Variants in ZNF577 observed in about 807,000 individuals in gnomAD.
ZNF577 encodes the protein zinc finger protein 577.
ZNF577 carries 14 observed loss-of-function variants against 13.9 expected under a neutral mutation model. The ratio of observed to expected loss-of-function variants is 1.00; its 90% CI spans 0.66 to 1.57. The LOEUF is 1.57. ZNF577 is among the 40% of genes most tolerant of loss of function. The pLI, the probability that ZNF577 is intolerant of heterozygous loss-of-function variation, is 0.00. For synonymous variants in ZNF577, 203 were observed against 202.9 expected (o/e 1.00, Z 0.00); for missense variants, 555 against 579.2 (o/e 0.96, Z 0.43).
At chr19:51,829,865 C>A (rs1014560779) in intron 9 of ZNF577, among the ~76,000 whole-genome samples, 2 of 152,106 alleles carry the variant, frequency 1.3e-5, no homozygotes, top group Non-Finnish European at 2.9e-5. Flanking sequence ...ACTCCTTGTC[C>A]CCACTAGCCA....
chr19:51,877,229 A>G (rs1384625680), intron 5 of ZNF577, 53 bp downstream of exon 5: 3 of 1,501,232 alleles, frequency 2.0e-6, no homozygotes, highest in Non-Finnish European at 2.8e-6. Flanking sequence ...TTCTCCGACC[A>G]GCTGGGATTT....
intron 9 of ZNF577, among the ~76,000 whole-genome samples, chr19:51,818,429 C>T (rs2084160613): frequency 6.6e-6 from 1 of 152,142 alleles, no homozygotes; most frequent in Non-Finnish European, 1.5e-5. Flanking sequence ...ATGCTAGAGA[C>T]ACAGCACTGA....
At chr19:51,866,190 CTT>C (rs1276786554), downstream of ZNF577, among the ~76,000 whole-genome samples, 2 of 151,334 alleles carry the variant, frequency 1.3e-5, no homozygotes, top group Non-Finnish European at 2.9e-5. Context: ...GACTTGAACA[CTT>C]ATAATTGGGC....
rs920979860 is a variant in ZNF577, at chr19:51,877,568, G to C, written c.188-191C>G. The C allele has an allele frequency of 1.5e-4, 64 of 436,762 alleles. No individual in the cohort carries two copies. The Middle Eastern group carries it at 1.8e-3, about 12-fold the overall frequency. The allele number at this position is 436,762 out of a possible 1,614,324, so 27.1% of individuals were successfully genotyped here. On this transcript the variant is annotated intron_variant, in intron 4 of 5. Transcript: ENST00000638348. Reference sequence around the variant, plus strand: ...CTGCGTGACACACCCATACCCATTAGGATGGCTACTATCAAAAAAACAAAC... The same window carrying C: ...CTGCGTGACACACCCATACCCATTACGATGGCTACTATCAAAAAAACAAAC...
At chr19:51,835,463 A>T (rs1019376347) in intron 9 of ZNF577, among the ~76,000 whole-genome samples, 2 of 151,886 alleles carry the variant, frequency 1.3e-5, no homozygotes, top group East Asian at 3.8e-4. Context: ...AATTCTACTG[A>T]ATATTTAAGA....
At chr19:51,855,214 G>A (rs145049328) in intron 5 of ZNF577, among the ~76,000 whole-genome samples, 1 of 152,190 alleles carries the variant, frequency 6.6e-6, no homozygotes, top group South Asian at 2.1e-4. Context: ...TTATTGTTGC[G>A]ATTGTTGTTG....
intron 5 of ZNF577, among the ~76,000 whole-genome samples, chr19:51,859,814 T>C (rs563927091): frequency 6.6e-6 from 1 of 152,174 alleles, no homozygotes; most frequent in African/African-American, 2.4e-5. Flanking sequence ...TTTTGTCTTA[T>C]GTTGAGAATT....
intron 3 of ZNF577, 67 bp downstream of exon 3, chr19:51,880,256 C>T: frequency 6.7e-7 from 1 of 1,495,272 alleles, no homozygotes; most frequent in Non-Finnish European, 9.3e-7. Context: ...TTTGAGGATA[C>T]CGTCAACCAC....
intron 4 of ZNF577, 51 bp from the exon 5 acceptor site, chr19:51,877,428 T>A (rs3764540): frequency 0.14 from 205,826 of 1,451,154 alleles, 18,996 homozygotes; most frequent in South Asian, 0.37. Flanking sequence ...GGGGAATGGA[T>A]GAAGATGGAG....
chr19:51,839,574 T>C (rs1379875650), intron 9 of ZNF577, among the ~76,000 whole-genome samples: 1 of 152,184 alleles, frequency 6.6e-6, no homozygotes, highest in East Asian at 1.9e-4. Flanking sequence ...TTGGGAAATA[T>C]GGTTGGGTAC....
chr19:51,883,431 T>G (rs1003217853), intron 1 of ZNF577, among the ~76,000 whole-genome samples: 1 of 152,090 alleles, frequency 6.6e-6, no homozygotes, highest in Admixed American at 6.6e-5. Flanking sequence ...AGCCTCATGG[T>G]ATAGTTTAAC....
chr19:51,834,010 G>A (rs927179874), intron 9 of ZNF577, among the ~76,000 whole-genome samples: 3 of 152,010 alleles, frequency 2.0e-5, no homozygotes, highest in Non-Finnish European at 4.4e-5. Flanking sequence ...TTCTCTATGT[G>A]GTGAAGATTC....
intron 4 of ZNF577, 98 bp from the exon 5 acceptor site, chr19:51,877,475 G>T: frequency 2.1e-6 from 2 of 974,868 alleles, no homozygotes; most frequent in Non-Finnish European, 3.2e-6. Flanking sequence ...TTTGCACTTT[G>T]ATAAAGCAAA....
At chr19:51,878,023 T>C (rs2084794206) in intron 4 of ZNF577, 1 of 164,894 alleles carries the variant, frequency 6.1e-6, no homozygotes, top group Admixed American at 5.7e-5. Flanking sequence ...ACAGACACTA[T>C]ATAATTCCAC....
At chr19:51,852,297 A>G (rs1018208188) in intron 5 of ZNF577, among the ~76,000 whole-genome samples, 2 of 152,208 alleles carry the variant, frequency 1.3e-5, no homozygotes, top group Non-Finnish European at 2.9e-5. Flanking sequence ...TCTGAGAGGA[A>G]AGAAACAATT....
chr19:51,856,799 T>C (rs541396455), intron 5 of ZNF577, among the ~76,000 whole-genome samples: 1 of 152,232 alleles, frequency 6.6e-6, no homozygotes, highest in East Asian at 1.9e-4. Flanking sequence ...TGGTAGTATA[T>C]TGCAGCCAGA....
chr19:51,874,027 G>C (rs553120788), intron 5 of ZNF577, among the ~76,000 whole-genome samples: 23 of 152,122 alleles, frequency 1.5e-4, no homozygotes, highest in Non-Finnish European at 1.9e-4. Context: ...CTGTGAAAAA[G>C]GATGATACTA....
chr19:51,820,317 C>A (rs2084178938), intron 9 of ZNF577, among the ~76,000 whole-genome samples: 1 of 152,172 alleles, frequency 6.6e-6, no homozygotes, highest in Non-Finnish European at 1.5e-5. Flanking sequence ...AAGTCACTTC[C>A]CCTCTCTGAG....
At chr19:51,823,880 T>C (rs746571721) in intron 9 of ZNF577, 15 of 1,613,960 alleles carry the variant, frequency 9.3e-6, no homozygotes, top group Non-Finnish European at 1.1e-5. Context: ...TCCTGGGCAA[T>C]GGGCTTGTGA....
Sources: allele counts gnomAD v4.1 joint callset (sites outside exome capture counted in the v4.1 genomes callset), GRCh38; gene constraint gnomAD v4.1.1; transcripts MANE v1.5; gene names NCBI Gene and HGNC (gene_info 2026-07-23, HGNC 2026-07-21).